ITGA4: variants seen among roughly 807,000 people sequenced by gnomAD.
The protein encoded by ITGA4 is integrin alpha-4.
In ITGA4, 63 loss-of-function variants were observed where a neutral mutation model predicts 133.6. The ratio of observed to expected loss-of-function variants is 0.47; its 90% CI spans 0.38 to 0.58. The LOEUF (loss-of-function observed/expected upper bound fraction) is 0.58, where lower values mean the gene tolerates loss of function less well. ITGA4 is among the 20% of genes least tolerant of loss of function. The probability of loss-of-function intolerance (pLI) is 0.00; values close to 1 mark genes in which losing one functional copy is unlikely to be tolerated. For missense variants in ITGA4, 1,076 were observed against 1,252.7 expected (o/e 0.86, Z 2.13); for synonymous variants, 483 against 438.0 (o/e 1.10, Z -1.28).
intron 2 of ITGA4, among the ~76,000 whole-genome samples, chr2:181,468,127 C>T (rs1036417428): frequency 6.6e-6 from 1 of 152,208 alleles, no homozygotes; most frequent in African/African-American, 2.4e-5. Context: ...ACTCCACAGT[C>T]CTTGCAGAAA....
At chr2:181,466,733 T>C (rs1685425444) in intron 2 of ITGA4, among the ~76,000 whole-genome samples, 1 of 152,278 alleles carries the variant, frequency 6.6e-6, no homozygotes, top group African/African-American at 2.4e-5. Flanking sequence ...ATGGATTTAG[T>C]AAGTATTAGG....
intron 15 of ITGA4, among the ~76,000 whole-genome samples, chr2:181,505,697 A>G (rs1686379106): frequency 6.6e-6 from 1 of 152,134 alleles, no homozygotes; most frequent in African/African-American, 2.4e-5. Flanking sequence ...GTGCATGTAC[A>G]TTTTATATAT....
Position 181,523,565 on chromosome 2 carries a change from T to C in ITGA4, c.2169+33T>C. On this transcript the variant is annotated intron_variant, in intron 19 of 27. Coordinates refer to ENST00000397033, the MANE Select transcript of ITGA4 (RefSeq NM_000885.6). This position sits in a 1 kb window ranked among gnomAD's most constrained non-coding sequence, Gnocchi z 4.2. Reference sequence around the variant, plus strand: ...TTTCATATTTATGGCTTTTGTTCACTATCATGAATATTTTTTTCTATTCTT... The same window carrying C: ...TTTCATATTTATGGCTTTTGTTCACCATCATGAATATTTTTTTCTATTCTT... The C allele has an allele frequency of 8.8e-7, 1 of 1,139,610 alleles. No individual in the cohort carries two copies. The highest frequency in any genetic ancestry group is 1.3e-6 in the Non-Finnish European group (1 of 757,990). 70.6% of individuals were successfully genotyped at this position (1,139,610 alleles called of 1,614,324 possible).
At chr2:181,489,850 A>T (rs976956249) in intron 10 of ITGA4, among the ~76,000 whole-genome samples, 3 of 152,158 alleles carry the variant, frequency 2.0e-5, no homozygotes, top group Non-Finnish European at 4.4e-5. Flanking sequence ...ATGTAGCAGG[A>T]CGAGCCACAG....
intron 6 of ITGA4, among the ~76,000 whole-genome samples, chr2:181,480,673 T>C (rs557080948): frequency 1.5e-4 from 23 of 152,250 alleles, no homozygotes; most frequent in Middle Eastern, 3.4e-3. Flanking sequence ...TAAGTAAGTA[T>C]AGTTTCCTTA....
chr2:181,498,904 A>G (rs1686213008), intron 15 of ITGA4, 127 bp downstream of exon 15: 2 of 1,342,908 alleles, frequency 1.5e-6, no homozygotes, highest in African/African-American at 3.0e-5. Flanking sequence ...CTGAACTATG[A>G]CCTGTTGCTC....
chr2:181,493,492 G>A, intron 11 of ITGA4, 73 bp downstream of exon 11: 1 of 840,358 alleles, frequency 1.2e-6, no homozygotes, highest in Non-Finnish European at 1.9e-6. Context: ...GGGTTTATGT[G>A]GACTTATTTT....
Position 181,482,579 on chromosome 2 carries a change from G to C in ITGA4, c.969G>C (p.Leu323=). The change falls in exon 9 of 28, where the codon CTG becomes CTC. Residue 323 remains leucine, a synonymous_variant. Coordinates refer to ENST00000397033, the MANE Select transcript of ITGA4 (RefSeq NM_000885.6). The part of the protein sequence containing the change: ...VDLNADGFSD[L]LVGAPMQSTI... ...TCAATGCAGATGGCTTCTCAGATCT[G>C]CTCGTGGGAGCACCCATGCAGAGCA... The C allele has an allele frequency of 6.2e-7, 1 of 1,613,806 alleles. No individual in the cohort carries two copies. The highest frequency in any genetic ancestry group is 8.5e-7 in the Non-Finnish European group (1 of 1,179,798).
At chr2:181,518,097 C>G (rs917761512) in intron 17 of ITGA4, among the ~76,000 whole-genome samples, 2 of 151,964 alleles carry the variant, frequency 1.3e-5, no homozygotes. Context: ...CACACACTTC[C>G]TCTCTCCCAT....
At chr2:181,485,101 A>G (rs570564349) in intron 9 of ITGA4, among the ~76,000 whole-genome samples, 135 of 152,310 alleles carry the variant, frequency 8.9e-4, no homozygotes, top group Middle Eastern at 3.4e-3. Flanking sequence ...TGACTAATCT[A>G]TGCTCCACTG....
In ITGA4 at chr2:181,523,723, A is replaced by G. The variant is rs746402837; in HGVS notation, c.2169+191A>G. On this transcript the variant is annotated intron_variant, in intron 19 of 27. Coordinates refer to ENST00000397033, the MANE Select transcript of ITGA4 (RefSeq NM_000885.6). This position sits in a 1 kb window ranked among gnomAD's most constrained non-coding sequence, Gnocchi z 4.2. ...ATTCTTGGCAATGTTTGCTGTTTTA[A>G]AGGGGGTGGCATGTTTACATCGAAA... 5.9e-5 allele frequency among the ~76,000 whole-genome samples: 9 copies of G among 152,140 alleles called. No homozygotes were observed. The highest frequency in any genetic ancestry group is 1.3e-4 in the Non-Finnish European group (9 of 68,030).
At chr2:181,498,515 C>T (rs1337909047) in intron 14 of ITGA4, 108 bp from the exon 15 acceptor site, 5 of 539,776 alleles carry the variant, frequency 9.3e-6, no homozygotes, top group Non-Finnish European at 1.5e-5. Flanking sequence ...AAGAGAATTC[C>T]AGATATTATT....
At chr2:181,496,877 G>A (rs376893730) in intron 14 of ITGA4, among the ~76,000 whole-genome samples, 4 of 152,068 alleles carry the variant, frequency 2.6e-5, no homozygotes, top group African/African-American at 9.7e-5. Context: ...TCTAAACATC[G>A]TGAAGGGCCC....
Position 181,537,211 on chromosome 2 carries a change from GAACTGTC to G in ITGA4, c.*1685_*1691del, listed in dbSNP as rs1429247536. Reference sequence around the variant, plus strand: ...AGATGAAAAATCAAGCCCCGATTTAGAACTGTCTTCTCCAGGATGGTCTCTAAGGAAA... The same window carrying G: ...AGATGAAAAATCAAGCCCCGATTTAGTTCTCCAGGATGGTCTCTAAGGAAA... On this transcript the variant is annotated 3_prime_UTR_variant, in exon 28 of 28. Coordinates refer to ENST00000397033, the MANE Select transcript of ITGA4 (RefSeq NM_000885.6). 7.3e-5 allele frequency: 33 copies of G among 452,946 alleles called. No homozygotes were observed. Among genetic ancestry groups the G allele is most frequent in the African/African-American group, 6.0e-4 (30 of 49,942 alleles). The allele number at this position is 452,946 out of a possible 1,614,324, so 28.1% of individuals were successfully genotyped here.
intron 15 of ITGA4, among the ~76,000 whole-genome samples, chr2:181,508,052 TGAAAA>T (rs749418064): frequency 6.6e-6 from 1 of 152,102 alleles, no homozygotes; most frequent in South Asian, 2.1e-4. Flanking sequence ...AGTAATCAAA[TGAAAA>T]GAAAATCATT....
At chr2:181,501,766 C>A (rs1261032684) in intron 15 of ITGA4, among the ~76,000 whole-genome samples, 1 of 152,116 alleles carries the variant, frequency 6.6e-6, no homozygotes, top group Admixed American at 6.6e-5. Flanking sequence ...TGCAGGAGAA[C>A]ACCTTTTGAG....
chr2:181,513,441 C>CTTATTT (rs1686544781), intron 17 of ITGA4, among the ~76,000 whole-genome samples: 1 of 152,004 alleles, frequency 6.6e-6, no homozygotes, highest in East Asian at 1.9e-4. Context: ...TTTCTGATAT[C>CTTATTT]CAGAATTATT....
intron 15 of ITGA4, among the ~76,000 whole-genome samples, chr2:181,507,814 A>G (rs1686425395): frequency 6.6e-6 from 1 of 152,156 alleles, no homozygotes; most frequent in South Asian, 2.1e-4. Context: ...TTATTTGCCA[A>G]CTATTTTTGA....
intron 2 of ITGA4, among the ~76,000 whole-genome samples, chr2:181,470,935 A>G (rs538204724): frequency 4.1e-4 from 62 of 152,296 alleles, no homozygotes; most frequent in African/African-American, 1.5e-3. Context: ...ACACTAGGGG[A>G]AATTACAGGA....
Sources: allele counts gnomAD v4.1 joint callset (sites outside exome capture counted in the v4.1 genomes callset), GRCh38; gene constraint gnomAD v4.1.1; non-coding constraint Gnocchi (gnomAD v3.1); transcripts MANE v1.5; gene names NCBI Gene and HGNC (gene_info 2026-07-23, HGNC 2026-07-21).